The following TANC2 variants were observed in gnomAD, a reference collection of about 807,000 sequenced individuals.
TANC2 encodes the protein protein TANC2.
Under a neutral mutation model 210.5 loss-of-function variants are expected in TANC2, and 26 were observed. That is an observed-to-expected ratio of 0.12 (90% CI 0.09 to 0.17). TANC2 has a LOEUF of 0.17. Ranked by LOEUF, TANC2 falls within the 10% of genes least tolerant of loss-of-function variation. TANC2 has a pLI of 1.00. For missense variants in TANC2, 2,129 were observed against 2,608.9 expected (o/e 0.82, Z 4.01); for synonymous variants, 931 against 967.1 (o/e 0.96, Z 0.69).
chr17:62,968,150 CA>C (rs956335151), intron 1 of TANC2, among the ~76,000 whole-genome samples: 5 of 152,102 alleles, frequency 3.3e-5, no homozygotes, highest in African/African-American at 1.2e-4. Context: ...TCAGAAGTAA[CA>C]AAAGACAACT....
chr17:63,089,089 A>G (rs1224027574), intron 3 of TANC2: 5 of 152,228 alleles, frequency 3.3e-5, no homozygotes, highest in Non-Finnish European at 5.9e-5. Context: ...CTACTGTTCA[A>G]GTCTGCACTG....
At chr17:63,157,633 G>A (rs1162147735) in intron 5 of TANC2, among the ~76,000 whole-genome samples, 1 of 151,676 alleles carries the variant, frequency 6.6e-6, no homozygotes, top group Non-Finnish European at 1.5e-5. Context: ...CTGTAAAATG[G>A]GGATGATAAT....
At chr17:63,083,365 T>C (rs2036847247) in intron 3 of TANC2, among the ~76,000 whole-genome samples, 1 of 152,102 alleles carries the variant, frequency 6.6e-6, no homozygotes, top group African/African-American at 2.4e-5. Flanking sequence ...GATTCCCTTC[T>C]CTCAGACTTC....
chr17:63,337,019 T>A (rs72841377), intron 11 of TANC2, among the ~76,000 whole-genome samples: 2,244 of 152,314 alleles, frequency 0.015, 33 homozygotes, highest in Non-Finnish European at 0.025. Context: ...GTTTTCTATT[T>A]TTATACAGAG....
chr17:63,153,006 T>C (rs1399799431), intron 5 of TANC2: 1 of 152,172 alleles, frequency 6.6e-6, no homozygotes. Flanking sequence ...AAAAAGTCTT[T>C]CCTTTTCTTA....
intron 7 of TANC2, among the ~76,000 whole-genome samples, chr17:63,222,149 A>G (rs2042210191): frequency 6.6e-6 from 1 of 152,174 alleles, no homozygotes; most frequent in Admixed American, 6.5e-5. Context: ...TCATCCTCAC[A>G]TGATGGAAAG....
chr17:63,101,322 A>G (rs1377863346), intron 4 of TANC2, among the ~76,000 whole-genome samples: 1 of 152,212 alleles, frequency 6.6e-6, no homozygotes, highest in Admixed American at 6.5e-5. Flanking sequence ...ATTAATTATC[A>G]AAATGCAATA....
At chr17:63,149,611 C>T (rs1021786684) in intron 4 of TANC2, 1 of 152,040 alleles carries the variant, frequency 6.6e-6, no homozygotes, top group African/African-American at 2.4e-5. Context: ...GATTAAATTA[C>T]TATATAATCA....
chr17:63,142,540 A>C (rs1022909114), intron 4 of TANC2, among the ~76,000 whole-genome samples: 2 of 152,126 alleles, frequency 1.3e-5, no homozygotes, highest in Non-Finnish European at 2.9e-5. Context: ...CTTTTCAAAG[A>C]ATTAAATTCT....
chr17:63,200,586 A>C (rs972053537), intron 6 of TANC2, among the ~76,000 whole-genome samples, 185 bp from the exon 7 acceptor site: 2 of 152,184 alleles, frequency 1.3e-5, no homozygotes, highest in African/African-American at 4.8e-5. Context: ...TGTTAAGTTC[A>C]TCAAGTTTCA....
At chr17:63,086,138 T>C (rs1472906089) in intron 3 of TANC2, among the ~76,000 whole-genome samples, 1 of 152,148 alleles carries the variant, frequency 6.6e-6, no homozygotes, top group East Asian at 1.9e-4. Context: ...TAAGGTTTTT[T>C]TCCCTCTGGT....
At position 63,412,687 on chromosome 17, in the gene TANC2, G is replaced by T. The variant is rs963103622; in HGVS notation, c.3906G>T (p.Gln1302His). 1.3e-6 allele frequency: 2 copies of T among 1,533,970 alleles called. No individual in the cohort carries two copies. Among genetic ancestry groups the T allele is most frequent in the African/African-American group, 2.8e-5 (2 of 72,216 alleles). The change falls in exon 24 of 28, where the codon CAG becomes CAT. Residue 1302 changes from glutamine to histidine, a missense_variant. By Grantham distance (24) the Gln-to-His change is conservative. This residue lies in a region of TANC2 where 644 missense variants were observed against 937.5 expected (regional missense o/e 0.69). Coordinates refer to ENST00000689528, the Ensembl canonical transcript of TANC2. This position sits in a 1 kb window ranked among gnomAD's most constrained non-coding sequence, Gnocchi z 4.2. ...TTTCTCCTTTCTTTGAAGGTTGTCA[G>T]ACGTTACCGAGTCGCCCACGAGGTA... is the stretch of plus-strand genomic sequence containing the variant.
intron 21 of TANC2, among the ~76,000 whole-genome samples, chr17:63,406,875 G>A (rs974326164): frequency 6.6e-6 from 1 of 152,214 alleles, no homozygotes; most frequent in African/African-American, 2.4e-5. Context: ...GGCTGCTGAT[G>A]ATGGACCTCT....
Position 63,398,966 on chromosome 17 carries a change from T to C in TANC2, c.3331+52T>C, listed in dbSNP as rs1381155691. The C allele has an allele frequency of 3.0e-6, 4 of 1,334,020 alleles. No individual in the cohort carries two copies. In the African/African-American group the frequency reaches 5.9e-5, roughly 20 times the overall value. 82.6% of individuals were successfully genotyped at this position (1,334,020 alleles called of 1,614,324 possible). On this transcript the variant is annotated intron_variant, in intron 19 of 27. Transcript: ENST00000689528. Reference sequence around the variant, plus strand: ...GAATGTGTTGTGTTTGTGTGGACTCTCGAATCTCACCCCCTTATTTTTTCC... The same window carrying C: ...GAATGTGTTGTGTTTGTGTGGACTCCCGAATCTCACCCCCTTATTTTTTCC...
intron 9 of TANC2, among the ~76,000 whole-genome samples, chr17:63,298,375 A>G (rs915627098): frequency 3.9e-5 from 6 of 152,210 alleles, no homozygotes; most frequent in Admixed American, 1.3e-4. Flanking sequence ...ATCAAAAGGA[A>G]TGAAGTACTG....
At chr17:63,142,595 T>C (rs1207733679) in intron 4 of TANC2, among the ~76,000 whole-genome samples, 1 of 152,192 alleles carries the variant, frequency 6.6e-6, no homozygotes, top group Non-Finnish European at 1.5e-5. Context: ...TTATTTGCTG[T>C]TTCATTGAGT....
intron 8 of TANC2, among the ~76,000 whole-genome samples, chr17:63,239,375 G>A (rs1192506240): frequency 6.6e-6 from 1 of 152,122 alleles, no homozygotes; most frequent in African/African-American, 2.4e-5. Flanking sequence ...TAAAATCAAA[G>A]TTATGTTTGC....
intron 11 of TANC2, among the ~76,000 whole-genome samples, chr17:63,334,840 G>T (rs966402084): frequency 6.6e-6 from 1 of 152,218 alleles, no homozygotes; most frequent in African/African-American, 2.4e-5. Context: ...GAATAGTCCT[G>T]CAGGCTGTAT....
intron 9 of TANC2, among the ~76,000 whole-genome samples, chr17:63,275,856 T>A (rs1316603559): frequency 6.6e-6 from 1 of 152,190 alleles, no homozygotes; most frequent in East Asian, 1.9e-4. Flanking sequence ...ACTCTCATCA[T>A]GACATCTAAC....
Sources: gnomAD v4.1 joint callset for allele counts (sites outside exome capture counted in the v4.1 genomes callset) on GRCh38, gnomAD v4.1.1 for gene constraint, gnomAD v4.1.1 regional missense constraint, Gnocchi (gnomAD v3.1) non-coding constraint, MANE v1.5 for transcripts, NCBI Gene and HGNC (gene_info 2026-07-23, HGNC 2026-07-21) for gene names.